The following CNTNAP2 variants were observed in gnomAD, a reference collection of about 807,000 sequenced individuals.
CNTNAP2 encodes contactin associated protein 2.
In CNTNAP2, 98 loss-of-function variants were observed where a neutral mutation model predicts 155.2. That is an observed-to-expected ratio of 0.63 (90% CI 0.54 to 0.75). CNTNAP2 has a LOEUF of 0.75. CNTNAP2 is among the 30% of genes least tolerant of loss of function. CNTNAP2 has a pLI of 0.00. For synonymous variants in CNTNAP2, 651 were observed against 631.2 expected, an observed-to-expected ratio of 1.03 and a Z score of -0.47; for missense variants, 1,727 against 1,688.1, an observed-to-expected ratio of 1.02 and a Z score of -0.40.
intron 1 of CNTNAP2, among the ~76,000 whole-genome samples, chr7:146,594,433 T>TACAC (rs4016062): frequency 0.05 from 7,446 of 148,716 alleles, 508 homozygotes; most frequent in African/African-American, 0.16. Context: ...TACTAGTGTT[T>TACAC]ACACACACAC....
intron 8 of CNTNAP2, among the ~76,000 whole-genome samples, chr7:147,214,563 T>A (rs1803226618): frequency 6.6e-6 from 1 of 152,180 alleles, no homozygotes; most frequent in South Asian, 2.1e-4. Context: ...ATGGTTTGCT[T>A]ATATCTCATA....
intron 1 of CNTNAP2, among the ~76,000 whole-genome samples, chr7:146,454,648 T>C (rs968496751): frequency 5.9e-5 from 9 of 151,934 alleles, no homozygotes; most frequent in Non-Finnish European, 1.0e-4. Flanking sequence ...ACATGAATAC[T>C]GTATGAAGTA....
intron 15 of CNTNAP2, among the ~76,000 whole-genome samples, chr7:148,115,709 G>A (rs1008271290): frequency 1.3e-5 from 2 of 152,084 alleles, no homozygotes; most frequent in Non-Finnish European, 2.9e-5. Context: ...CTAGCAACTT[G>A]AGCTTTGCAA....
intron 3 of CNTNAP2, among the ~76,000 whole-genome samples, chr7:146,907,344 A>C (rs1585150286): frequency 1.4e-5 from 2 of 146,570 alleles, no homozygotes; most frequent in African/African-American, 5.2e-5. Context: ...AAGACACATA[A>C]TTGTCAGATT....
At chr7:147,942,276 T>C (rs1241000402) in intron 14 of CNTNAP2, among the ~76,000 whole-genome samples, 2 of 152,218 alleles carry the variant, frequency 1.3e-5, no homozygotes, top group Non-Finnish European at 2.9e-5. Flanking sequence ...AGCATGTCAG[T>C]AGCTGCCAAT....
intron 12 of CNTNAP2, among the ~76,000 whole-genome samples, chr7:147,580,749 A>G (rs1800484837): frequency 6.6e-6 from 1 of 151,738 alleles, no homozygotes; most frequent in Non-Finnish European, 1.5e-5. Context: ...CTGAGTAGCT[A>G]GGACTACAGG....
chr7:146,911,423 T>G (rs538294351), intron 3 of CNTNAP2, among the ~76,000 whole-genome samples: 243 of 151,986 alleles, frequency 1.6e-3, no homozygotes, highest in African/African-American at 5.5e-3. Context: ...CCAACAATGA[T>G]AGACTGGATT....
At chr7:146,174,497 C>T (rs1448114982) in intron 1 of CNTNAP2, among the ~76,000 whole-genome samples, 1 of 152,182 alleles carries the variant, frequency 6.6e-6, no homozygotes, top group African/African-American at 2.4e-5. Flanking sequence ...TTGGGATTGC[C>T]AGCATGAGCC....
intron 3 of CNTNAP2, among the ~76,000 whole-genome samples, chr7:146,893,598 T>C (rs570479109): frequency 1.3e-5 from 2 of 152,240 alleles, no homozygotes; most frequent in South Asian, 4.1e-4. Flanking sequence ...GTAGAATAGA[T>C]GACTGACTAT....
chr7:147,280,399 TC>T lies in CNTNAP2; in HGVS notation c.1349-19741del, dbSNP rs141159059. Among the ~76,000 whole-genome samples, 324 of 152,044 alleles carry T rather than the reference TC, an allele frequency of 2.1e-3. 11 individuals are homozygous for T. The East Asian group carries it at 0.053, about 25-fold the overall frequency. ...CGTCTCTTACAGGGACGAAAAAATC[TC>T]TCGTAGAAGTCATGCTCAATAAAAT... On this transcript the variant is annotated intron_variant, in intron 8 of 23. Coordinates refer to ENST00000361727, the MANE Select transcript of CNTNAP2 (RefSeq NM_014141.6).
At chr7:147,594,718 T>C (rs925570399) in intron 12 of CNTNAP2, among the ~76,000 whole-genome samples, 3 of 152,170 alleles carry the variant, frequency 2.0e-5, no homozygotes, top group South Asian at 4.1e-4. Flanking sequence ...CTAAGCAAGA[T>C]AGCAGTTTTA....
intron 9 of CNTNAP2, among the ~76,000 whole-genome samples, chr7:147,308,344 C>T (rs1454379817): frequency 6.6e-6 from 1 of 152,102 alleles, no homozygotes; most frequent in African/African-American, 2.4e-5. Flanking sequence ...GTCTCTCAGG[C>T]TGCTGTTTTG....
rs781608779 is a variant in CNTNAP2 at position 147,128,655 on chromosome 7, C to T, written c.940-38C>T. ...TAGTTTTGTCTAGTTCATCATAATA[C>T]AATGTGGACGTTTACATTTAATTTC... On this transcript the variant is annotated intron_variant, in intron 6 of 23. Coordinates refer to ENST00000361727, the MANE Select transcript of CNTNAP2 (RefSeq NM_014141.6). 7 of 1,612,140 alleles carry T rather than the reference C, an allele frequency of 4.3e-6. No individual in the cohort carries two copies. The South Asian group carries it at 7.7e-5, about 18-fold the overall frequency.
intron 1 of CNTNAP2, among the ~76,000 whole-genome samples, chr7:146,286,722 G>C (rs958707036): frequency 6.6e-6 from 1 of 152,038 alleles, no homozygotes; most frequent in African/African-American, 2.4e-5. Flanking sequence ...ATCCATAAAC[G>C]TTCTACTGTT....
At chr7:147,512,056 C>A (rs1332932125) in intron 11 of CNTNAP2, among the ~76,000 whole-genome samples, 1 of 152,154 alleles carries the variant, frequency 6.6e-6, no homozygotes. Flanking sequence ...TAGTAAGATA[C>A]AAACTGGACA....
chr7:147,094,688 T>A (rs1454739151), intron 4 of CNTNAP2, among the ~76,000 whole-genome samples: 2 of 151,990 alleles, frequency 1.3e-5, no homozygotes, highest in Non-Finnish European at 2.9e-5. Context: ...TTATTATTAT[T>A]ATTTTTTTAA....
chr7:146,684,619 G>A (rs1253702675), intron 1 of CNTNAP2, among the ~76,000 whole-genome samples: 5 of 65,392 alleles, frequency 7.6e-5, no homozygotes, highest in African/African-American at 1.8e-4. Flanking sequence ...AAACAGCTTC[G>A]AGCAATAATA....
chr7:146,728,359 C>A (rs1483903945), intron 1 of CNTNAP2, among the ~76,000 whole-genome samples: 1 of 152,040 alleles, frequency 6.6e-6, no homozygotes, highest in Admixed American at 6.6e-5. Context: ...GTGAGTTTCA[C>A]CCTTATCAGA....
intron 21 of CNTNAP2, among the ~76,000 whole-genome samples, chr7:148,331,444 AATGGATGG>A (rs201401411): frequency 3.7e-5 from 5 of 136,198 alleles, no homozygotes; most frequent in African/African-American, 1.4e-4. Flanking sequence ...GGACGTATGG[AATGGATGG>A]ATGGATGGAT....
Sources: gnomAD v4.1 joint callset for allele counts (sites outside exome capture counted in the v4.1 genomes callset) on GRCh38, gnomAD v4.1.1 for gene constraint, MANE v1.5 for transcripts, NCBI Gene and HGNC (gene_info 2026-07-23, HGNC 2026-07-21) for gene names.